Variants in RND1 observed in about 807,000 individuals in gnomAD.
RND1 encodes the protein Rho family GTPase 1, also known as rho-related GTP-binding protein Rho6.
RND1 carries 9 observed loss-of-function variants against 27.1 expected under a neutral mutation model. The observed-to-expected ratio is 0.33, with a 90% CI of 0.20 to 0.58. The LOEUF (loss-of-function observed/expected upper bound fraction) is 0.58. Among genes scored for constraint, RND1 ranks in the 20% least tolerant of loss-of-function variants. RND1 has a pLI of 0.86. For synonymous variants in RND1, 108 were observed against 115.7 expected, an observed-to-expected ratio of 0.93 and a Z score of 0.43; for missense variants, 253 against 292.2, an observed-to-expected ratio of 0.87 and a Z score of 0.98.
intron 3 of RND1, 50 bp from the exon 4 acceptor site, chr12:48,861,181 G>C: frequency 2.0e-5 from 30 of 1,531,594 alleles, no homozygotes; most frequent in Non-Finnish European, 2.6e-5. Flanking sequence ...AGGAAGGAGA[G>C]TTAGTGGCAG....
At chr12:48,860,940 G>C (rs967929191) in intron 4 of RND1, 57 bp downstream of exon 4, 31 of 1,609,158 alleles carry the variant, frequency 1.9e-5, no homozygotes, top group African/African-American at 1.5e-4. Context: ...ATTTCAAGCT[G>C]TCTGCCTCTA....
chr12:48,858,189 G>A lies in RND1; in HGVS notation c.506C>T (p.Ala169Val). ...LGAEIYLEGSAFTSEKSIHSI... is the reference protein window; with the variant it reads ...LGAEIYLEGSVFTSEKSIHSI... Reference sequence around the variant, plus strand: ...GTGGATGCTCTTTTCTGAGGTGAAAGCTGAGCCTTCCAGGTAGATTTCTGC... The same window carrying A: ...GTGGATGCTCTTTTCTGAGGTGAAAACTGAGCCTTCCAGGTAGATTTCTGC... The change falls in exon 5 of 5, where the codon GCT becomes GTT. Residue 169 changes from alanine to valine, a missense_variant. Coordinates refer to ENST00000309739, the MANE Select transcript of RND1 (RefSeq NM_014470.4). The A allele has an allele frequency of 6.2e-7, 1 of 1,614,154 alleles. No homozygotes were observed. Among genetic ancestry groups the A allele is most frequent in the Non-Finnish European group, 8.5e-7 (1 of 1,180,032 alleles).
At chr12:48,859,998 G>A (rs2137507340) in intron 4 of RND1, among the ~76,000 whole-genome samples, 1 of 151,882 alleles carries the variant, frequency 6.6e-6, no homozygotes, top group Non-Finnish European at 1.5e-5. Context: ...GGCTGGTCTT[G>A]AACTCCTGAC....
At position 48,861,095 on chromosome 12, in the gene RND1, G is replaced by C. The variant is rs370916812; in HGVS notation, c.355C>G (p.Arg119Gly). The change falls in exon 4 of 5, where the codon CGC becomes GGC. Residue 119 changes from arginine (R) to glycine (G), a missense_variant. Arg to Gly is a moderately radical substitution (Grantham distance 125). Transcript: ENST00000309739. ...GTCTTGCAGCCAATGAGCAAAACGC[G>C]GGTGCTGGGACAATAATCTAGGATT... Reference protein sequence around the residue: ...TEILDYCPSTRVLLIGCKTDL... With the variant: ...TEILDYCPSTGVLLIGCKTDL... The C allele has an allele frequency of 1.2e-6, 2 of 1,613,664 alleles. No individual in the cohort carries two copies. The highest frequency in any genetic ancestry group is 1.1e-5 in the South Asian group (1 of 91,078).
chr12:48,862,156 T>G (rs761122123), intron 2 of RND1, 38 bp from the exon 3 acceptor site: 1 of 1,312,534 alleles, frequency 7.6e-7, no homozygotes, highest in Admixed American at 1.7e-5. Flanking sequence ...TGAGCCATGG[T>G]GTTTTCCTTC....
In RND1 at chr12:48,862,051, A is replaced by G; in HGVS notation, c.276T>C (p.Phe92=). The change falls in exon 3 of 5, where the codon TTT becomes TTC. Residue 92 remains phenylalanine, a synonymous_variant. Transcript: ENST00000309739. ...CCACTGTCTCTGGACGGCTGATGTC[A>G]AAACATAGTAATACTGCATCCGAGT... is the stretch of plus-strand genomic sequence containing the variant. ...YSDSDAVLLC[F]DISRPETVDS... 6.2e-7 allele frequency: 1 copy of G among 1,613,522 alleles called. No homozygotes were observed.
At chr12:48,861,438 G>GC (rs2137508352) in intron 3 of RND1, among the ~76,000 whole-genome samples, 1 of 152,254 alleles carries the variant, frequency 6.6e-6, no homozygotes, top group East Asian at 1.9e-4. Context: ...GCATGGATCT[G>GC]CCCCCTCACC....
chr12:48,860,275 C>T (rs576739863), intron 4 of RND1, among the ~76,000 whole-genome samples: 1 of 151,670 alleles, frequency 6.6e-6, no homozygotes, highest in Admixed American at 6.6e-5. Context: ...GTAGAGACAG[C>T]GTTTTGCCAT....
In RND1 at chr12:48,864,779, T is replaced by G. The variant is rs1217314174; in HGVS notation, c.208+4A>C. 1.2e-6 allele frequency: 2 copies of G among 1,607,742 alleles called. No individual in the cohort carries two copies. The highest frequency in any genetic ancestry group is 2.7e-5 in the African/African-American group (2 of 74,778). Reference sequence around the variant, plus strand: ...GAAAGGGGTATTTGGAGCAGAATTCTTACCTGAGGTATCCCAGAGACTAAG... The same window carrying G: ...GAAAGGGGTATTTGGAGCAGAATTCGTACCTGAGGTATCCCAGAGACTAAG... On this transcript the variant is annotated splice_donor_region_variant and intron_variant, in intron 2 of 4. Coordinates refer to ENST00000309739, the MANE Select transcript of RND1 (RefSeq NM_014470.4).
At chr12:48,864,704 G>A (rs1166190419) in intron 2 of RND1, 79 bp downstream of exon 2, 2 of 1,108,104 alleles carry the variant, frequency 1.8e-6, no homozygotes, top group Non-Finnish European at 2.8e-6. Flanking sequence ...CACCAAAGGG[G>A]AAAACAATTT....
At chr12:48,860,922 A>C in intron 4 of RND1, 75 bp downstream of exon 4, 1 of 1,589,688 alleles carries the variant, frequency 6.3e-7, no homozygotes, top group Non-Finnish European at 8.6e-7. Context: ...AATTTGAGCC[A>C]GGGCCATATT....
intron 4 of RND1, chr12:48,858,499 G>A: frequency 2.8e-6 from 1 of 354,588 alleles, no homozygotes; most frequent in Non-Finnish European, 4.9e-6. Context: ...AAACTATATT[G>A]ATGCCAAACT....
intron 4 of RND1, among the ~76,000 whole-genome samples, chr12:48,860,711 T>TTG (rs1555172110): frequency 1.3e-5 from 2 of 151,678 alleles, no homozygotes; most frequent in Admixed American, 1.3e-4. Context: ...CCTCTTTTTT[T>TTG]TGTGTGTGTG....
intron 1 of RND1, 87 bp downstream of exon 1, chr12:48,865,561 G>A (rs1938975517): frequency 1.4e-6 from 2 of 1,464,286 alleles, no homozygotes; most frequent in Non-Finnish European, 1.9e-6. Flanking sequence ...GGGGCTGGGG[G>A]AGCCACGTCT....
rs371547164 is a variant in RND1 at position 48,858,004 on chromosome 12, T to G, written c.691A>C (p.Ile231Leu). 4.3e-5 allele frequency: 69 copies of G among 1,601,258 alleles called. No homozygotes were observed. The highest frequency in any genetic ancestry group is 5.5e-5 in the Non-Finnish European group (64 of 1,172,924). ...CCCCTCCAATTTCCACTTCACATAA[T>G]GGAACAGCTTTTGGCCTTTTCCTTC... ...FKKEKAKSCS[I>L]M The change falls in exon 5 of 5, where the codon ATT (isoleucine) becomes CTT (leucine). Residue 231 changes from isoleucine (I) to leucine (L), a missense_variant. Coordinates refer to ENST00000309739, the MANE Select transcript of RND1 (RefSeq NM_014470.4).
intron 3 of RND1, 100 bp from the exon 4 acceptor site, chr12:48,861,231 A>G (rs1938915885): frequency 2.6e-6 from 3 of 1,171,156 alleles, no homozygotes; most frequent in East Asian, 2.4e-5. Context: ...CGTCACACAC[A>G]TCACCTCACT....
intron 2 of RND1, among the ~76,000 whole-genome samples, chr12:48,863,033 T>A (rs1344894251): frequency 6.6e-6 from 1 of 151,962 alleles, no homozygotes; most frequent in East Asian, 1.9e-4. Context: ...GCCTGCTCCT[T>A]CAGCAAGCCT....
In RND1 at chr12:48,857,746, G is replaced by A. The variant is rs1318731867; in HGVS notation, c.*250C>T. On this transcript the variant is annotated 3_prime_UTR_variant, in exon 5 of 5. Coordinates refer to ENST00000309739, the MANE Select transcript of RND1 (RefSeq NM_014470.4). ...AGCTTTCCTTCCTCTGGAGCGGGGG[G>A]GGCACTGGGGTAGTCGCCCCCTCCA... 4 of 363,702 alleles carry A rather than the reference G, an allele frequency of 1.1e-5. No individual in the cohort carries two copies. The East Asian group carries it at 1.5e-4, about 14-fold the overall frequency. The allele number at this position is 363,702 out of a possible 1,614,324, so 22.5% of individuals were successfully genotyped here. A position where few individuals can be genotyped will look rare whatever the true frequency, so the allele number is the denominator to read the frequency against.
At chr12:48,865,490 G>A in intron 1 of RND1, 158 bp downstream of exon 1, 1 of 831,586 alleles carries the variant, frequency 1.2e-6, no homozygotes, top group South Asian at 1.5e-5. Flanking sequence ...AGGCAGGGCA[G>A]TCCTCCAGCC....
Sources: allele counts gnomAD v4.1 joint callset (sites outside exome capture counted in the v4.1 genomes callset), GRCh38; gene constraint gnomAD v4.1.1; transcripts MANE v1.5; gene names NCBI Gene and HGNC (gene_info 2026-07-23, HGNC 2026-07-21).